VPS54: variants seen among roughly 807,000 people sequenced by gnomAD.
VPS54 encodes vacuolar protein sorting-associated protein 54.
Under a neutral mutation model 121.5 loss-of-function variants are expected in VPS54, and 45 were observed. The observed-to-expected ratio is 0.37, with a 90% CI of 0.29 to 0.47. The LOEUF is 0.47. VPS54 is among the 20% of genes least tolerant of loss of function. VPS54 has a pLI of 0.99. For missense variants in VPS54, 1,090 were observed against 1,131.4 expected (o/e 0.96, Z 0.52); for synonymous variants, 371 against 385.8 (o/e 0.96, Z 0.45).
At chr2:63,894,856 C>G (rs1421850743) in intron 22 of VPS54, among the ~76,000 whole-genome samples, 1 of 152,084 alleles carries the variant, frequency 6.6e-6, no homozygotes. Context: ...CAAAACAGCA[C>G]TACATATTTT....
intron 16 of VPS54, among the ~76,000 whole-genome samples, chr2:63,916,127 A>G (rs1673369383): frequency 6.6e-6 from 1 of 152,160 alleles, no homozygotes; most frequent in Non-Finnish European, 1.5e-5. Context: ...TAATCTTCTA[A>G]GCTTCAATTC....
chr2:63,968,321 G>A (rs1676107105), intron 5 of VPS54, among the ~76,000 whole-genome samples: 1 of 151,452 alleles, frequency 6.6e-6, no homozygotes, highest in Non-Finnish European at 1.5e-5. Context: ...GTAGGTTTCA[G>A]TGATGAGAAA....
intron 20 of VPS54, among the ~76,000 whole-genome samples, chr2:63,904,060 T>C (rs1052865943): frequency 6.6e-6 from 1 of 152,002 alleles, no homozygotes; most frequent in Non-Finnish European, 1.5e-5. Context: ...AGAAACACTA[T>C]AAAAACACTA....
At chr2:63,942,802 T>C (rs190118799) in intron 10 of VPS54, among the ~76,000 whole-genome samples, 38 of 152,292 alleles carry the variant, frequency 2.5e-4, no homozygotes, top group Admixed American at 5.9e-4. Flanking sequence ...TTTATGATCA[T>C]TGAATGAATA....
chr2:64,014,011 C>T (rs1221328326), intron 1 of VPS54, among the ~76,000 whole-genome samples: 5 of 148,398 alleles, frequency 3.4e-5, no homozygotes, highest in East Asian at 1.9e-4. Flanking sequence ...ACCAACATGG[C>T]GAAACCCTGT....
chr2:63,902,576 A>G (rs1364809263), intron 20 of VPS54, among the ~76,000 whole-genome samples: 1 of 152,216 alleles, frequency 6.6e-6, no homozygotes, highest in African/African-American at 2.4e-5. Flanking sequence ...CAAAATATAC[A>G]AAAAAGAAAA....
At chr2:64,013,341 T>C (rs1678511679) in intron 1 of VPS54, among the ~76,000 whole-genome samples, 1 of 151,986 alleles carries the variant, frequency 6.6e-6, no homozygotes, top group Admixed American at 6.6e-5. Context: ...TCTCTACTTC[T>C]CAATGGATAA....
chr2:63,893,269 C>G lies in VPS54; in HGVS notation c.*161G>C. ...AAAATGACATTCCTTGTAGATCCCA[C>G]TGAATCCAGTTTCCCAACACTTGAT... On this transcript the variant is annotated 3_prime_UTR_variant, in exon 23 of 23. Coordinates refer to ENST00000272322, the MANE Select transcript of VPS54 (RefSeq NM_016516.3). The G allele has an allele frequency of 1.3e-6, 1 of 744,886 alleles. No individual in the cohort carries two copies. The highest frequency in any genetic ancestry group is 2.4e-6 in the Non-Finnish European group (1 of 409,114). The allele number at this position is 744,886 out of a possible 1,614,324, so 46.1% of individuals were successfully genotyped here. A position where few individuals can be genotyped will look rare whatever the true frequency, so the allele number is the denominator to read the frequency against.
intron 9 of VPS54, among the ~76,000 whole-genome samples, chr2:63,946,366 A>C (rs1674978098): frequency 6.6e-6 from 1 of 152,086 alleles, no homozygotes; most frequent in African/African-American, 2.4e-5. Flanking sequence ...GTTTTGGTGA[A>C]CTTATATACA....
Position 63,897,530 on chromosome 2 carries a change from A to G in VPS54, c.2794T>C (p.Leu932=). ...KLHLKKQLSH[L]NVINDGGPQN... The stretch of plus-strand genomic sequence containing the variant: ...GGTCCTCCATCATTTATCACATTTA[A>G]GTGAGATAACTGCTTTTTCAAGTGG... The change falls in exon 22 of 23, where the codon TTA becomes CTA. Residue 932 remains leucine, a synonymous_variant. Transcript: ENST00000272322. The G allele has an allele frequency of 6.2e-7, 1 of 1,601,558 alleles. No homozygotes were observed. Among genetic ancestry groups the G allele is most frequent in the Non-Finnish European group, 8.5e-7 (1 of 1,174,410 alleles).
intron 12 of VPS54, among the ~76,000 whole-genome samples, chr2:63,929,494 T>A (rs1227981247): frequency 2.6e-5 from 4 of 152,082 alleles, no homozygotes; most frequent in African/African-American, 9.7e-5. Flanking sequence ...CGTACCAGAA[T>A]CTCTGGGACA....
intron 1 of VPS54, among the ~76,000 whole-genome samples, 196 bp from the exon 2 acceptor site, chr2:63,984,215 A>C (rs1419850895): frequency 6.6e-6 from 1 of 152,232 alleles, no homozygotes; most frequent in Non-Finnish European, 1.5e-5. Flanking sequence ...CCCATTTTTA[A>C]AAAAGTGAAA....
chr2:63,960,832 G>A (rs986112348), intron 7 of VPS54, among the ~76,000 whole-genome samples: 21 of 152,156 alleles, frequency 1.4e-4, no homozygotes, highest in Admixed American at 1.4e-3. Context: ...CCATGCTGGG[G>A]AATTCAAAGT....
intron 12 of VPS54, among the ~76,000 whole-genome samples, chr2:63,927,740 A>G (rs1006421901): frequency 1.3e-5 from 2 of 152,216 alleles, no homozygotes; most frequent in Non-Finnish European, 2.9e-5. Context: ...GTTCTAGCCC[A>G]TTGCAAGGGA....
At chr2:63,931,325 G>A (rs1048617228) in intron 12 of VPS54, among the ~76,000 whole-genome samples, 3 of 152,088 alleles carry the variant, frequency 2.0e-5, no homozygotes, top group Admixed American at 6.6e-5. Context: ...CAATGGAACA[G>A]AACAGAGGCC....
At chr2:63,960,545 TTG>T (rs1234679726) in intron 7 of VPS54, among the ~76,000 whole-genome samples, 2 of 152,142 alleles carry the variant, frequency 1.3e-5, no homozygotes, top group Non-Finnish European at 2.9e-5. Flanking sequence ...ATTTGAGAAT[TTG>T]TGTTTGCCAA....
chr2:64,015,777 T>G (rs1273170640), intron 1 of VPS54, among the ~76,000 whole-genome samples: 1 of 152,192 alleles, frequency 6.6e-6, no homozygotes, highest in Non-Finnish European at 1.5e-5. Context: ...AAATAAGACA[T>G]TAATAGTATA....
chr2:64,004,863 C>G (rs1309382153), intron 1 of VPS54, among the ~76,000 whole-genome samples: 1 of 152,130 alleles, frequency 6.6e-6, no homozygotes, highest in Non-Finnish European at 1.5e-5. Flanking sequence ...ACTGCAATCT[C>G]AACCTCCTGG....
intron 3 of VPS54, among the ~76,000 whole-genome samples, chr2:63,973,283 T>G (rs1676368974): frequency 6.6e-6 from 1 of 152,254 alleles, no homozygotes; most frequent in African/African-American, 2.4e-5. Context: ...CATTTGATAT[T>G]TAGCATCTTT....
Sources: allele counts gnomAD v4.1 joint callset (sites outside exome capture counted in the v4.1 genomes callset), GRCh38; gene constraint gnomAD v4.1.1; transcripts MANE v1.5; gene names NCBI Gene and HGNC (gene_info 2026-07-23, HGNC 2026-07-21).